CARD8: variants seen among roughly 807,000 people sequenced by gnomAD.
The protein encoded by CARD8 is caspase recruitment domain family member 8, also known as caspase recruitment domain-containing protein 8.
In CARD8, 38 loss-of-function variants were observed where a neutral mutation model predicts 53.2. The observed-to-expected ratio is 0.71, with a 90% CI of 0.55 to 0.94. The LOEUF (loss-of-function observed/expected upper bound fraction) is 0.94. Ranked by LOEUF, CARD8 falls within the 40% of genes least tolerant of loss-of-function variation. The pLI is 0.00. For missense variants in CARD8, 561 were observed against 655.5 expected, an observed-to-expected ratio of 0.86 and a Z score of 1.57; for synonymous variants, 245 against 244.9, an observed-to-expected ratio of 1.00 and a Z score of 0.00.
In CARD8 at chr19:48,221,833, C is replaced by T. The variant is rs540915752; in HGVS notation, c.1058G>A (p.Arg353His). ...LTKAIDDEED[R>H]FHGVRLQTSP... is the part of the protein sequence containing the mutation. Reference sequence around the variant, plus strand: ...AGTCTGCAGGCGCACACCATGGAAGCGATCTTCCTCATCATCTATCGCCTA... The same window carrying T: ...AGTCTGCAGGCGCACACCATGGAAGTGATCTTCCTCATCATCTATCGCCTA... Residue 353 changes from arginine (R) to histidine (H), a missense_variant, in exon 11 of 14, where the codon CGC becomes CAC. Physicochemically the swap from Arg to His is conservative, Grantham distance 29 (BLOSUM62 0). Coordinates refer to ENST00000651546, the MANE Select transcript of CARD8 (RefSeq NM_001184900.3). 7 of 1,601,960 alleles carry T rather than the reference C, an allele frequency of 4.4e-6. No individual in the cohort carries two copies. The highest frequency in any genetic ancestry group is 3.4e-5 in the South Asian group (3 of 89,520).
Position 48,221,841 on chromosome 19 carries a change from C to T in CARD8, c.1050G>A (p.Glu350=). 1 of 1,601,422 alleles carries T rather than the reference C, an allele frequency of 6.2e-7. No individual in the cohort carries two copies. ...GGCGCACACCATGGAAGCGATCTTC[C>T]TCATCATCTATCGCCTAAGGAAGAA... ...DALLTKAIDD[E]EDRFHGVRLQ... is the part of the protein sequence containing the mutation. Residue 350 remains glutamate, a synonymous_variant, in exon 11 of 14, where the codon GAG becomes GAA. Transcript: ENST00000651546.
intron 5 of CARD8, among the ~76,000 whole-genome samples, chr19:48,235,620 G>A (rs1431648943): frequency 6.6e-6 from 1 of 152,158 alleles, no homozygotes; most frequent in East Asian, 1.9e-4. Context: ...CCGGCCCCAA[G>A]AAATCCTTCC....
At chr19:48,235,979 C>G (rs928023854) in intron 5 of CARD8, among the ~76,000 whole-genome samples, 7 of 151,452 alleles carry the variant, frequency 4.6e-5, no homozygotes, top group Admixed American at 6.6e-5. Flanking sequence ...ACATCAACAA[C>G]AAGAGCAAAA....
intron 13 of CARD8, 172 bp downstream of exon 13, chr19:48,215,168 T>G: frequency 1.8e-6 from 1 of 541,198 alleles, no homozygotes; most frequent in Non-Finnish European, 3.4e-6. Context: ...CTTATGCCCC[T>G]CAGTCAAATT....
downstream of CARD8, chr19:48,203,183 G>A (rs1221894915): frequency 2.6e-5 from 4 of 152,178 alleles, no homozygotes; most frequent in East Asian, 1.9e-4. Flanking sequence ...TTCGTCTGAA[G>A]TTTTTCTTTT....
intron 12 of CARD8, among the ~76,000 whole-genome samples, chr19:48,218,135 T>TA (rs2039705702): frequency 6.6e-6 from 1 of 151,708 alleles, no homozygotes; most frequent in African/African-American, 2.4e-5. Flanking sequence ...ATCACACTGA[T>TA]AATACACTGA....
intron 3 of CARD8, among the ~76,000 whole-genome samples, chr19:48,248,863 T>C (rs769045043): frequency 7.2e-5 from 11 of 152,240 alleles, no homozygotes; most frequent in Non-Finnish European, 1.2e-4. Flanking sequence ...GCAGTTAACA[T>C]AAATTATTAA....
At chr19:48,204,296 CA>C, downstream of CARD8, 1 of 426,724 alleles carries the variant, frequency 2.3e-6, no homozygotes, top group Non-Finnish European at 4.8e-6. Context: ...ATTAGACTAA[CA>C]GCCTGGGAAC....
chr19:48,231,884 G>C, intron 7 of CARD8, 74 bp from the exon 8 acceptor site: 2 of 1,308,098 alleles, frequency 1.5e-6, no homozygotes, highest in Non-Finnish European at 2.2e-6. Context: ...CCTGGAGGCT[G>C]AATTGCACAG....
chr19:48,221,001 A>G (rs868587399), intron 11 of CARD8, among the ~76,000 whole-genome samples: 450 of 67,176 alleles, frequency 6.7e-3, no homozygotes, highest in African/African-American at 0.018. Flanking sequence ...AAGGAAAGAA[A>G]GAAAGAAAAA....
intron 3 of CARD8, among the ~76,000 whole-genome samples, chr19:48,249,007 G>A (rs2046566708): frequency 6.6e-6 from 1 of 152,132 alleles, no homozygotes; most frequent in Non-Finnish European, 1.5e-5. Flanking sequence ...AAGCCAGACT[G>A]GCAACATAGT....
downstream of CARD8, among the ~76,000 whole-genome samples, chr19:48,207,262 A>G (rs11083923): frequency 0.82 from 123,480 of 151,084 alleles, 51,387 homozygotes; most frequent in South Asian, 0.91. Flanking sequence ...AAGAAATAAA[A>G]TTTTACTCTT....
chr19:48,204,452 C>T (rs1298976547), downstream of CARD8, among the ~76,000 whole-genome samples: 1 of 151,918 alleles, frequency 6.6e-6, no homozygotes, highest in Non-Finnish European at 1.5e-5. Context: ...TCATTGAAAT[C>T]GACAAGTTAC....
At chr19:48,245,862 ATATAT>A (rs1343379927) in intron 3 of CARD8, among the ~76,000 whole-genome samples, 1 of 148,268 alleles carries the variant, frequency 6.7e-6, no homozygotes, top group Non-Finnish European at 1.5e-5. Flanking sequence ...TCTACATTTA[ATATAT>A]TATATATAAT....
At chr19:48,239,580 A>G (rs2044590237) in intron 4 of CARD8, among the ~76,000 whole-genome samples, 1 of 149,978 alleles carries the variant, frequency 6.7e-6, no homozygotes, top group Non-Finnish European at 1.5e-5. Flanking sequence ...GGTTCAAGCG[A>G]TTCTCGTGCC....
At chr19:48,255,212 A>C (rs894957164) in intron 1 of CARD8, among the ~76,000 whole-genome samples, 1 of 152,184 alleles carries the variant, frequency 6.6e-6, no homozygotes, top group East Asian at 1.9e-4. Flanking sequence ...CTAAAAAATA[A>C]AAAATTAGCT....
rs1023429115 is a variant in CARD8 at position 48,249,594 on chromosome 19, G to C, written c.-115C>G. 6 of 152,460 alleles carry C rather than the reference G, an allele frequency of 3.9e-5. No individual in the cohort carries two copies. Among genetic ancestry groups the C allele is most frequent in the Non-Finnish European group, 8.8e-5 (6 of 68,040 alleles). 9.4% of individuals were successfully genotyped at this position (152,460 alleles called of 1,614,324 possible). On this transcript the variant is annotated 5_prime_UTR_variant, in exon 3 of 14. Coordinates refer to ENST00000651546, the MANE Select transcript of CARD8 (RefSeq NM_001184900.3). ...AGCCATCATGGCGACCGGAAGTCCT[G>C]AGAGCTTGTTTCCCTCGAATCTCAG... is the stretch of plus-strand genomic sequence containing the variant.
Position 48,218,915 on chromosome 19 carries a change from T to C in CARD8, c.1259A>G (p.Glu420Gly). The change falls in exon 12 of 14, where the codon GAA (glutamate) becomes GGA (glycine). Residue 420 changes from glutamate (E) to glycine (G), a missense_variant. Coordinates refer to ENST00000651546, the MANE Select transcript of CARD8 (RefSeq NM_001184900.3). ...CCACACCAAAGTCCCATGTCTTTTTTCAGTAATCTCAAGTTGAATGGGTTC... is the reference window on the plus strand; with the variant it reads ...CCACACCAAAGTCCCATGTCTTTTTCCAGTAATCTCAAGTTGAATGGGTTC... ...MKEPIQLEIT[E>G]KRHGTLVWDT... The C allele has an allele frequency of 6.2e-7, 1 of 1,614,196 alleles. No individual in the cohort carries two copies. Among genetic ancestry groups the C allele is most frequent in the Non-Finnish European group, 8.5e-7 (1 of 1,180,018 alleles).
At chr19:48,231,556 A>G (rs1457147939) in intron 8 of CARD8, 104 bp downstream of exon 8, 5 of 1,162,188 alleles carry the variant, frequency 4.3e-6, no homozygotes, top group Non-Finnish European at 6.0e-6. Context: ...GCCCTCCTCC[A>G]CCTCCCAAAG....
Sources: gnomAD v4.1 joint callset for allele counts (sites outside exome capture counted in the v4.1 genomes callset) on GRCh38, gnomAD v4.1.1 for gene constraint, MANE v1.5 for transcripts, NCBI Gene and HGNC (gene_info 2026-07-23, HGNC 2026-07-21) for gene names.